PLXDC2: variants seen among roughly 807,000 people sequenced by gnomAD.
PLXDC2 encodes the protein plexin domain-containing protein 2.
PLXDC2 carries 40 observed loss-of-function variants against 68.9 expected under a neutral mutation model. That is an observed-to-expected ratio of 0.58 (90% CI 0.45 to 0.76). PLXDC2 has a LOEUF of 0.76. Ranked by LOEUF, PLXDC2 falls within the 30% of genes least tolerant of loss-of-function variation. The pLI is 0.00. For synonymous variants in PLXDC2, 243 were observed against 234.2 expected (o/e 1.04, Z -0.34); for missense variants, 644 against 661.9 (o/e 0.97, Z 0.30).
intron 12 of PLXDC2, among the ~76,000 whole-genome samples, chr10:20,233,846 G>C (rs1451265791): frequency 6.6e-6 from 1 of 152,054 alleles, no homozygotes; most frequent in African/African-American, 2.4e-5. Context: ...AGGCAGGCAT[G>C]GTCTAACTCT....
chr10:20,196,754 A>G lies in PLXDC2; in HGVS notation c.1062-14915A>G, dbSNP rs547751953. ...AGTGTCAAGTTGATGTGAAAATTGT[A>G]TAACAGACAATTGTTGAACACGGTT... On this transcript the variant is annotated intron_variant, in intron 9 of 13. Coordinates refer to ENST00000377252, the MANE Select transcript of PLXDC2 (RefSeq NM_032812.9). 7.2e-5 allele frequency among the ~76,000 whole-genome samples: 11 copies of G among 152,326 alleles called. No homozygotes were observed. The East Asian group carries it at 1.4e-3, about 19-fold the overall frequency.
intron 13 of PLXDC2, among the ~76,000 whole-genome samples, chr10:20,265,881 G>A (rs1038869392): frequency 1.3e-5 from 2 of 152,090 alleles, no homozygotes; most frequent in African/African-American, 2.4e-5. Flanking sequence ...TGACAATTAC[G>A]TGTGCCTTTG....
chr10:20,259,204 C>T (rs1014932568), intron 13 of PLXDC2, among the ~76,000 whole-genome samples: 2 of 151,730 alleles, frequency 1.3e-5, no homozygotes, highest in East Asian at 1.9e-4. Context: ...GAACAATTGC[C>T]TTTTTTTTCT....
intron 13 of PLXDC2, among the ~76,000 whole-genome samples, chr10:20,257,997 C>CTTTCTT (rs1835763468): frequency 3.6e-5 from 3 of 84,326 alleles, no homozygotes; most frequent in African/African-American, 1.3e-4. Context: ...TTTTTTCTTT[C>CTTTCTT]TTTTTTTTTT....
chr10:20,209,657 C>G (rs888176196), intron 9 of PLXDC2, among the ~76,000 whole-genome samples: 1 of 152,278 alleles, frequency 6.6e-6, no homozygotes, highest in East Asian at 1.9e-4. Flanking sequence ...CTCTTGTTCC[C>G]TGAACATTGC....
chr10:20,105,527 G>A (rs556057811), intron 4 of PLXDC2, among the ~76,000 whole-genome samples: 1 of 152,278 alleles, frequency 6.6e-6, no homozygotes, highest in South Asian at 2.1e-4. Flanking sequence ...GTGCAATTCA[G>A]TTCTTGTGTT....
rs1191508635 is a variant in PLXDC2 at position 20,287,954 on chromosome 10, A to G, written c.*8135A>G. ...ATTTGAAATGTTGAAGTGTGAAAAGAGAAGAAATTGGGCACTTCTTGCGGC... is the reference window on the plus strand; with the variant it reads ...ATTTGAAATGTTGAAGTGTGAAAAGGGAAGAAATTGGGCACTTCTTGCGGC... On this transcript the variant is annotated 3_prime_UTR_variant, in exon 14 of 14. Transcript: ENST00000377252. 9.9e-6 allele frequency: 1 copy of G among 100,982 alleles called. No homozygotes were observed. Among genetic ancestry groups the G allele is most frequent in the Non-Finnish European group, 1.8e-5 (1 of 56,166 alleles). 6.3% of individuals were successfully genotyped at this position (100,982 alleles called of 1,614,324 possible).
At chr10:20,229,782 A>ATTATC (rs1417431714) in intron 12 of PLXDC2, among the ~76,000 whole-genome samples, 1 of 152,220 alleles carries the variant, frequency 6.6e-6, no homozygotes, top group African/African-American at 2.4e-5. Flanking sequence ...ACAGCAGTTA[A>ATTATC]TTATCTGAAA....
At chr10:20,204,660 C>T (rs1273155512) in intron 9 of PLXDC2, among the ~76,000 whole-genome samples, 1 of 152,152 alleles carries the variant, frequency 6.6e-6, no homozygotes, top group Non-Finnish European at 1.5e-5. Flanking sequence ...GTTAAGCAAA[C>T]TACAGTAAAT....
intron 4 of PLXDC2, among the ~76,000 whole-genome samples, chr10:20,111,909 A>G (rs1833565061): frequency 6.6e-6 from 1 of 152,188 alleles, no homozygotes; most frequent in Non-Finnish European, 1.5e-5. Flanking sequence ...CCCTTTCCCA[A>G]TGTGACCATA....
At chr10:19,889,214 A>G (rs1477150740) in intron 1 of PLXDC2, among the ~76,000 whole-genome samples, 1 of 151,908 alleles carries the variant, frequency 6.6e-6, no homozygotes, top group African/African-American at 2.4e-5. Flanking sequence ...TTTTATATAT[A>G]TATATAAAAT....
At chr10:20,109,552 T>C (rs1458080058) in intron 4 of PLXDC2, among the ~76,000 whole-genome samples, 1 of 152,188 alleles carries the variant, frequency 6.6e-6, no homozygotes, top group African/African-American at 2.4e-5. Flanking sequence ...TCTGCTCCAG[T>C]GTTTGTAAGC....
At chr10:20,250,227 C>T (rs1835656933) in intron 13 of PLXDC2, among the ~76,000 whole-genome samples, 1 of 148,038 alleles carries the variant, frequency 6.8e-6, no homozygotes, top group African/African-American at 2.5e-5. Context: ...AAGATCACAC[C>T]ACTGCACTGG....
intron 1 of PLXDC2, among the ~76,000 whole-genome samples, chr10:19,908,618 G>A (rs1213627127): frequency 6.6e-6 from 1 of 151,974 alleles, no homozygotes; most frequent in Non-Finnish European, 1.5e-5. Flanking sequence ...TATTCTCAGG[G>A]ATCAGTTAGA....
chr10:20,060,859 C>T (rs555972440), intron 3 of PLXDC2, among the ~76,000 whole-genome samples: 16 of 152,180 alleles, frequency 1.1e-4, no homozygotes, highest in African/African-American at 3.1e-4. Context: ...AAATGAATCA[C>T]GTAGTATAAA....
chr10:20,201,548 T>C (rs1391166055), intron 9 of PLXDC2, among the ~76,000 whole-genome samples: 2 of 151,944 alleles, frequency 1.3e-5, no homozygotes, highest in African/African-American at 4.8e-5. Flanking sequence ...AATAACAATA[T>C]AACTATTTAA....
intron 2 of PLXDC2, among the ~76,000 whole-genome samples, chr10:20,020,611 A>G (rs890956358): frequency 6.6e-6 from 1 of 152,064 alleles, no homozygotes; most frequent in East Asian, 1.9e-4. Context: ...ATCTCCGTTC[A>G]TGATCTATTA....
chr10:19,921,559 CCA>C (rs1833462464), intron 1 of PLXDC2, among the ~76,000 whole-genome samples: 1 of 152,200 alleles, frequency 6.6e-6, no homozygotes, highest in Non-Finnish European at 1.5e-5. Flanking sequence ...CATTACGTAA[CCA>C]GACAAAAACA....
chr10:20,245,786 C>T (rs1192563279), intron 13 of PLXDC2, among the ~76,000 whole-genome samples: 2 of 152,124 alleles, frequency 1.3e-5, no homozygotes, highest in Non-Finnish European at 2.9e-5. Flanking sequence ...GTTTTTGGTC[C>T]TTTTATACCA....
Sources: allele counts gnomAD v4.1 joint callset (sites outside exome capture counted in the v4.1 genomes callset), GRCh38; gene constraint gnomAD v4.1.1; transcripts MANE v1.5; gene names NCBI Gene and HGNC (gene_info 2026-07-23, HGNC 2026-07-21).